Variants in XXYLT1 observed in about 807,000 individuals in gnomAD.
XXYLT1 encodes the protein UDP-xylose:alpha-xyloside alpha-1,3-xylosyltransferase.
A neutral mutation model predicts 28.9 loss-of-function variants in XXYLT1; 20 were observed. The ratio of observed to expected loss-of-function variants is 0.69; its 90% CI spans 0.49 to 1.00. XXYLT1 has a LOEUF of 1.00. XXYLT1 is among the 50% of genes least tolerant of loss of function. The pLI is 0.00. For missense variants in XXYLT1, 542 were observed against 560.1 expected (o/e 0.97, Z 0.33); for synonymous variants, 257 against 253.8 (o/e 1.01, Z -0.12).
chr3:195,143,844 A>ATATATATATC (rs1560117161), intron 3 of XXYLT1, among the ~76,000 whole-genome samples: 17 of 65,362 alleles, frequency 2.6e-4, no homozygotes, highest in African/African-American at 9.4e-4. Flanking sequence ...ATAGATATAG[A>ATATATATATC]TATATATATA....
chr3:195,199,546 G>C (rs1255328681), intron 2 of XXYLT1, among the ~76,000 whole-genome samples: 1 of 152,080 alleles, frequency 6.6e-6, no homozygotes, highest in Non-Finnish European at 1.5e-5. Flanking sequence ...GGGAGGCGGA[G>C]CTTGCAGTGA....
At chr3:195,074,136 C>T (rs1714985229) in intron 3 of XXYLT1, among the ~76,000 whole-genome samples, 1 of 152,190 alleles carries the variant, frequency 6.6e-6, no homozygotes, top group African/African-American at 2.4e-5. Flanking sequence ...TTCACCACCA[C>T]CACCTCCAAG....
intron 1 of XXYLT1, among the ~76,000 whole-genome samples, chr3:195,259,378 C>A (rs928750782): frequency 1.3e-5 from 2 of 152,240 alleles, no homozygotes; most frequent in African/African-American, 4.8e-5. Flanking sequence ...CTGTGGCTTG[C>A]GGGTAAGGCC....
intron 2 of XXYLT1, among the ~76,000 whole-genome samples, chr3:195,202,041 G>T (rs113209607): frequency 0.028 from 4,241 of 152,162 alleles, 93 homozygotes; most frequent in Non-Finnish European, 0.045. Context: ...GCCAGGTGTG[G>T]TGGTGTGCAC....
chr3:195,117,114 TACACACACACAC>T (rs10633458), intron 3 of XXYLT1, among the ~76,000 whole-genome samples: 2 of 148,628 alleles, frequency 1.3e-5, no homozygotes, highest in African/African-American at 5.0e-5. Context: ...ATATAGTGTA[TACACACACACAC>T]ACACACACAC....
intron 2 of XXYLT1, among the ~76,000 whole-genome samples, chr3:195,203,392 C>A (rs1722936799): frequency 6.6e-6 from 1 of 152,118 alleles, no homozygotes; most frequent in South Asian, 2.1e-4. Context: ...TTTCACCTAT[C>A]AAATTGGCCT....
chr3:195,140,659 G>C (rs983632838), intron 3 of XXYLT1, among the ~76,000 whole-genome samples: 2 of 120,174 alleles, frequency 1.7e-5, no homozygotes, highest in Admixed American at 8.6e-5. Context: ...GAGTGAGAGA[G>C]AGAGTGAGAA....
chr3:195,120,763 G>A (rs903680688), intron 3 of XXYLT1, among the ~76,000 whole-genome samples: 3 of 152,206 alleles, frequency 2.0e-5, no homozygotes, highest in Non-Finnish European at 2.9e-5. Flanking sequence ...CCGACTCTGC[G>A]GGGTCCCGGA....
At chr3:195,198,324 C>T (rs1469353730) in intron 2 of XXYLT1, among the ~76,000 whole-genome samples, 3 of 152,156 alleles carry the variant, frequency 2.0e-5, no homozygotes, top group African/African-American at 7.2e-5. Context: ...CATGCAAAGT[C>T]GAACTTCTCT....
chr3:195,140,122 T>C (rs1233117388), intron 3 of XXYLT1, among the ~76,000 whole-genome samples: 1 of 152,180 alleles, frequency 6.6e-6, no homozygotes, highest in Non-Finnish European at 1.5e-5. Flanking sequence ...AAAGCAGCTC[T>C]TGGGAATTTC....
intron 3 of XXYLT1, among the ~76,000 whole-genome samples, chr3:195,119,236 A>T (rs1430589728): frequency 5.4e-5 from 8 of 148,642 alleles, no homozygotes; most frequent in Admixed American, 4.1e-4. Context: ...GTGAGCCGAG[A>T]TTGCGCCATT....
intron 2 of XXYLT1, among the ~76,000 whole-genome samples, chr3:195,165,575 T>C (rs1055493386): frequency 1.3e-5 from 2 of 152,222 alleles, no homozygotes; most frequent in Non-Finnish European, 2.9e-5. Context: ...TGACCTTTTC[T>C]AGCAGGAGGA....
rs148542897 is a variant in XXYLT1 at position 195,114,882 on chromosome 3, G to A, written c.785+41567C>T. Among the ~76,000 whole-genome samples, 5 of 152,374 alleles carry A rather than the reference G, an allele frequency of 3.3e-5. No homozygotes were observed. The East Asian group carries it at 9.6e-4, about 29-fold the overall frequency. On this transcript the variant is annotated intron_variant, in intron 3 of 3. Coordinates refer to ENST00000310380, the MANE Select transcript of XXYLT1 (RefSeq NM_152531.5). ...AGTGGTCTCCCTGCCGGTGCAAGGA[G>A]GCTGCCACCTGCAGAAGGTGCTAAC...
intron 3 of XXYLT1, among the ~76,000 whole-genome samples, chr3:195,143,816 A>ATTTTTTTTTTT (rs1719639528): frequency 1.3e-5 from 1 of 78,946 alleles, no homozygotes; most frequent in Non-Finnish European, 2.4e-5. Flanking sequence ...ATATATATAG[A>ATTTTTTTTTTT]TATAGATATA....
intron 3 of XXYLT1, among the ~76,000 whole-genome samples, chr3:195,080,248 C>T (rs946350738): frequency 6.6e-6 from 1 of 152,166 alleles, no homozygotes; most frequent in African/African-American, 2.4e-5. Context: ...AGGAAGGGGC[C>T]CAGATGGTGA....
At chr3:195,203,060 C>T (rs776596581) in intron 2 of XXYLT1, among the ~76,000 whole-genome samples, 14 of 152,098 alleles carry the variant, frequency 9.2e-5, no homozygotes, top group Non-Finnish European at 1.6e-4. Flanking sequence ...CCTACTGCCT[C>T]GGCCTCCCAA....
At chr3:195,143,626 G>A (rs945821964) in intron 3 of XXYLT1, among the ~76,000 whole-genome samples, 1 of 151,084 alleles carries the variant, frequency 6.6e-6, no homozygotes, top group Non-Finnish European at 1.5e-5. Context: ...TTGTAAAAAC[G>A]TGTCTTACTT....
At position 195,134,826 on chromosome 3, in the gene XXYLT1, G is replaced by GGTGTGT. The variant is rs3073321; in HGVS notation, c.785+21617_785+21622dup. On this transcript the variant is annotated intron_variant, in intron 3 of 3. Coordinates refer to ENST00000310380, the MANE Select transcript of XXYLT1 (RefSeq NM_152531.5). Reference sequence around the variant, plus strand: ...TGGCTGGCATCATGGCGTGAAGAGGGGTGTGTGTGTGTGTGTGTGTGTGTG... The same window carrying GGTGTGT: ...TGGCTGGCATCATGGCGTGAAGAGGGGTGTGTGTGTGTGTGTGTGTGTGTGTGTGTG... 2.4e-3 allele frequency among the ~76,000 whole-genome samples: 348 copies of GGTGTGT among 145,574 alleles called. 1 individual carries two copies. The highest frequency in any genetic ancestry group is 3.0e-3 in the Non-Finnish European group (199 of 66,490).
At chr3:195,220,703 G>A (rs1723788096) in intron 2 of XXYLT1, among the ~76,000 whole-genome samples, 1 of 152,228 alleles carries the variant, frequency 6.6e-6, no homozygotes, top group Non-Finnish European at 1.5e-5. Context: ...AATGAATGGA[G>A]CCTATCGCAT....
Sources: allele counts gnomAD v4.1 joint callset (sites outside exome capture counted in the v4.1 genomes callset), GRCh38; gene constraint gnomAD v4.1.1; transcripts MANE v1.5; gene names NCBI Gene and HGNC (gene_info 2026-07-23, HGNC 2026-07-21).